ATP5MJ: variants seen among roughly 807,000 people sequenced by gnomAD.
The protein encoded by ATP5MJ is ATP synthase membrane subunit j.
A neutral mutation model predicts 8.3 loss-of-function variants in ATP5MJ; 4 were observed. The observed-to-expected ratio is 0.48, with a 90% confidence interval of 0.24 to 1.11. The LOEUF is 1.11. Ranked by LOEUF, ATP5MJ falls within the 50% of genes least tolerant of loss-of-function variation. The probability of loss-of-function intolerance (pLI) is 0.18; values close to 1 mark genes in which losing one functional copy is unlikely to be tolerated. For synonymous variants in ATP5MJ, 23 were observed against 21.3 expected (o/e 1.08, Z -0.23); for missense variants, 66 against 71.8 (o/e 0.92, Z 0.29).
intron 3 of ATP5MJ, chr14:103,913,686 T>G (rs1394004111): frequency 1.8e-6 from 1 of 548,094 alleles, no homozygotes; most frequent in Non-Finnish European, 3.2e-6. Context: ...TCACTTGTGC[T>G]TCCCTATTGG....
chr14:103,919,060 T>A (rs776398085), intron 1 of ATP5MJ, among the ~76,000 whole-genome samples: 2 of 151,774 alleles, frequency 1.3e-5, no homozygotes, highest in African/African-American at 2.4e-5. Flanking sequence ...GGACCCAGCC[T>A]AGTGCCTAGT....
chr14:103,913,901 T>TTGAAAAGACATG (rs758288088), intron 3 of ATP5MJ, 60 bp downstream of exon 3: 1 of 1,563,740 alleles, frequency 6.4e-7, no homozygotes, highest in South Asian at 1.1e-5. Flanking sequence ...ATATACCTTG[T>TTGAAAAGACATG]CCTGAAAAGA....
chr14:103,917,324 T>C (rs549323212), intron 1 of ATP5MJ, among the ~76,000 whole-genome samples: 2 of 152,342 alleles, frequency 1.3e-5, no homozygotes, highest in East Asian at 1.9e-4. Flanking sequence ...TGTCTGGTAC[T>C]GTATATTAAA....
At chr14:103,920,090 G>T (rs2087661937) in intron 1 of ATP5MJ, among the ~76,000 whole-genome samples, 1 of 151,146 alleles carries the variant, frequency 6.6e-6, no homozygotes, top group East Asian at 2.0e-4. Context: ...CTCCCAAAGG[G>T]CTGGGATTAC....
At chr14:103,921,359 G>C (rs373006409) in intron 1 of ATP5MJ, 111 bp downstream of exon 1, 2 of 282,966 alleles carry the variant, frequency 7.1e-6, no homozygotes, top group Non-Finnish European at 1.4e-5. Flanking sequence ...AAGCAGGCGC[G>C]TGCCGGCGGA....
At position 103,915,155 on chromosome 14, in the gene ATP5MJ, G is replaced by C; in HGVS notation, c.35C>G (p.Pro12Arg). Residue 12 changes from proline to arginine, a missense_variant, in exon 2 of 4, where the codon CCC becomes CGC. By Grantham distance (103) the Pro-to-Arg change is moderately radical. Transcript: ENST00000286953. ...LQSIIKNIWI[P>R]MKPYYTKVYQ... ...AACTTTGGTGTAGTAGGGCTTCATG[G>C]GGATCCATATGTTTTTAATAATACT... The C allele has an allele frequency of 6.2e-7, 1 of 1,613,670 alleles. No homozygotes were observed. The highest frequency in any genetic ancestry group is 8.5e-7 in the Non-Finnish European group (1 of 1,179,708).
intron 1 of ATP5MJ, among the ~76,000 whole-genome samples, chr14:103,916,875 T>A (rs576092595): frequency 6.6e-6 from 1 of 152,144 alleles, no homozygotes; most frequent in Non-Finnish European, 1.5e-5. Flanking sequence ...CTCGGCAGTG[T>A]GCTCCCTTTC....
chr14:103,916,334 C>T (rs2087625709), intron 1 of ATP5MJ, among the ~76,000 whole-genome samples: 2 of 152,042 alleles, frequency 1.3e-5, no homozygotes, highest in Non-Finnish European at 2.9e-5. Context: ...AATTAGATGC[C>T]CTCATTTTCA....
At position 103,912,683 on chromosome 14, in the gene ATP5MJ, C is replaced by T. The variant is rs117358775; in HGVS notation, c.160G>A (p.Ala54Thr). The change falls in exon 4 of 4, where the codon GCT (alanine) becomes ACT (threonine). Residue 54 changes from alanine to threonine, a missense_variant. Physicochemically the swap from Ala to Thr is moderately conservative, Grantham distance 58 (BLOSUM62 0). Transcript: ENST00000286953. The part of the protein sequence containing the change: ...RSKALKASAP[A>T]PGHH ...AAATCTGGTTAGTGATGACCAGGAG[C>T]AGGCGCTGAAGCTTTTGAAAGAGAT... 3 of 1,614,012 alleles carry T rather than the reference C, an allele frequency of 1.9e-6. No homozygotes were observed. Among genetic ancestry groups the T allele is most frequent in the East Asian group, 2.2e-5 (1 of 44,888 alleles).
intron 3 of ATP5MJ, 165 bp from the exon 4 acceptor site, chr14:103,912,859 A>C (rs895931806): frequency 1.5e-6 from 1 of 684,866 alleles, no homozygotes; most frequent in Non-Finnish European, 2.5e-6. Context: ...AAACACCCAG[A>C]GTGCTTAAGG....
chr14:103,914,849 A>AAAAAAAAAAAAAAAAAG (rs1428791290), intron 2 of ATP5MJ: 5 of 365,018 alleles, frequency 1.4e-5, no homozygotes, highest in Admixed American at 6.4e-5. Flanking sequence ...AAAAAAAAAA[A>AAAAAAAAAAAAAAAAAG]AAAAAAAAGA....
chr14:103,914,635 T>TAA, intron 2 of ATP5MJ: 2 of 557,704 alleles, frequency 3.6e-6, no homozygotes, highest in South Asian at 2.5e-5. Context: ...ACCCCATCTC[T>TAA]ACAAAAAAAA....
chr14:103,920,912 G>A (rs745942049), intron 1 of ATP5MJ: 37 of 1,510,526 alleles, frequency 2.4e-5, no homozygotes, highest in Admixed American at 2.0e-5. Context: ...CAAAGTTTTG[G>A]CACATTACAT....
chr14:103,919,534 G>A (rs2087655615), intron 1 of ATP5MJ, among the ~76,000 whole-genome samples: 1 of 152,176 alleles, frequency 6.6e-6, no homozygotes, highest in African/African-American at 2.4e-5. Context: ...AGGCCAGGTA[G>A]GGGCTTTGGA....
chr14:103,920,129 C>T (rs2087662620), intron 1 of ATP5MJ, among the ~76,000 whole-genome samples: 1 of 121,462 alleles, frequency 8.2e-6, no homozygotes, highest in African/African-American at 3.1e-5. Context: ...CCGGCCCCTA[C>T]TTTTTTTTTT....
rs1489907254 is a variant in ATP5MJ at position 103,913,938 on chromosome 14, A to G, written c.148+23T>C. The stretch of plus-strand genomic sequence containing the variant: ...ATGATGCTGTTTTCCATTCCCAACC[A>G]TTTTCAGAAGCAAAAATCTTACCTT... On this transcript the variant is annotated intron_variant, in intron 3 of 3. Transcript: ENST00000286953. 2.5e-6 allele frequency: 4 copies of G among 1,611,092 alleles called. No individual in the cohort carries two copies. The Admixed American group carries it at 6.7e-5, about 27-fold the overall frequency.
Position 103,915,074 on chromosome 14 carries a change from C to T in ATP5MJ, c.116G>A (p.Arg39Gln), listed in dbSNP as rs149160111. 5.5e-5 allele frequency: 89 copies of T among 1,613,760 alleles called. No individual in the cohort carries two copies. Among genetic ancestry groups the T allele is most frequent in the African/African-American group, 2.7e-4 (20 of 74,824 alleles). Residue 39 changes from arginine to glutamine, a missense_variant, in exon 2 of 4, where the codon CGG (arginine) becomes CAG (glutamine). Physicochemically the swap from Arg to Gln is conservative, Grantham distance 43. Transcript: ENST00000286953. ...AACATAAGGAAACGTACCAGCAGCC[C>T]GGATTTTATAAACGATGAAGCCCAT... ...GLMGFIVYKI[R>Q]AADKRSKALK...
At position 103,918,424 on chromosome 14, in the gene ATP5MJ, G is replaced by T. The variant is rs180756071; in HGVS notation, c.-1+3046C>A. The stretch of plus-strand genomic sequence containing the variant: ...TCACCCAGGCTGGAGTGCAGTGGCG[G>T]ATCTCGGCTCATTGCAAGCTCCGCC... On this transcript the variant is annotated intron_variant, in intron 1 of 3. Coordinates refer to ENST00000286953, the MANE Select transcript of ATP5MJ (RefSeq NM_004894.3). Among the ~76,000 whole-genome samples, 4 of 152,000 alleles carry T rather than the reference G, an allele frequency of 2.6e-5. No homozygotes were observed. The East Asian group carries it at 5.8e-4, about 22-fold the overall frequency.
At chr14:103,916,812 A>C in intron 1 of ATP5MJ, among the ~76,000 whole-genome samples, 1 of 151,954 alleles carries the variant, frequency 6.6e-6, no homozygotes, top group East Asian at 1.9e-4. Flanking sequence ...CCCTCCCTCC[A>C]CCCACTCACT....
Sources: gnomAD v4.1 joint callset for allele counts (sites outside exome capture counted in the v4.1 genomes callset) on GRCh38, gnomAD v4.1.1 for gene constraint, MANE v1.5 for transcripts, NCBI Gene and HGNC (gene_info 2026-07-23, HGNC 2026-07-21) for gene names.